KLHL10: variants seen among roughly 807,000 people sequenced by gnomAD.
KLHL10 encodes the protein kelch like family member 10, also known as kelch-like protein 10.
In KLHL10, 11 loss-of-function variants were observed where a neutral mutation model predicts 46.6. The observed-to-expected ratio is 0.24, with a 90% CI of 0.15 to 0.39. KLHL10 has a LOEUF of 0.39. Among genes scored for constraint, KLHL10 ranks in the 10% least tolerant of loss-of-function variants. The pLI, the probability that KLHL10 is intolerant of heterozygous loss-of-function variation, is 1.00. For missense variants in KLHL10, 475 were observed against 789.8 expected (o/e 0.60, Z 4.78); for synonymous variants, 254 against 279.1 (o/e 0.91, Z 0.90).
chr17:41,847,179 G>C, intron 3 of KLHL10, 82 bp from the exon 4 acceptor site: 1 of 1,210,928 alleles, frequency 8.3e-7, no homozygotes, highest in Non-Finnish European at 1.2e-6. Flanking sequence ...CTGGAATTAA[G>C]TGCCCACTAC....
chr17:41,846,250 C>G (rs1381209312), intron 3 of KLHL10, among the ~76,000 whole-genome samples: 1 of 151,688 alleles, frequency 6.6e-6, no homozygotes, highest in East Asian at 1.9e-4. Flanking sequence ...AGGCTGGGCT[C>G]GGTGACTCAC....
In KLHL10 at chr17:41,837,894, C is replaced by T. The variant is rs371854228; in HGVS notation, c.-39C>T. On this transcript the variant is annotated 5_prime_UTR_variant, in exon 1 of 5. Transcript: ENST00000293303. ...GGGCCCCCCACAACCCTCCCCGACA[C>T]CCTAGGAAAGCAGCCTCTCTCCGCT... 65 of 1,611,772 alleles carry T rather than the reference C, an allele frequency of 4.0e-5. No homozygotes were observed. Among genetic ancestry groups the T allele is most frequent in the Non-Finnish European group, 5.3e-5 (62 of 1,179,804 alleles).
upstream of KLHL10, chr17:41,837,620 T>G (rs2048178915): frequency 9.0e-7 from 1 of 1,115,158 alleles, no homozygotes; most frequent in Admixed American, 3.8e-5. Flanking sequence ...CAATAAACAC[T>G]CAGATGGTGC....
chr17:41,841,890 G>A lies in KLHL10; in HGVS notation c.262G>A (p.Asp88Asn), dbSNP rs374071801. The change falls in exon 2 of 5, where the codon GAC becomes AAC. Residue 88 changes from aspartate to asparagine, a missense_variant. Physicochemically the swap from Asp to Asn is conservative, Grantham distance 23. Transcript: ENST00000293303. ...ATACAACATCCCTGGCATTTCTCCC[G>A]ACATGATGAAGCTAATCATTGAGTA... ...KVYNIPGISP[D>N]MMKLIIEYAY... 18 of 1,614,016 alleles carry A rather than the reference G, an allele frequency of 1.1e-5. No individual in the cohort carries two copies. The highest frequency in any genetic ancestry group is 1.7e-5 in the Admixed American group (1 of 59,982).
intron 1 of KLHL10, 103 bp from the exon 2 acceptor site, chr17:41,841,720 A>G: frequency 7.5e-7 from 1 of 1,332,550 alleles, no homozygotes; most frequent in Non-Finnish European, 1.1e-6. Flanking sequence ...TGTCCACTGT[A>G]TATAGCACAT....
At chr17:41,847,470 G>T in intron 4 of KLHL10, 60 bp downstream of exon 4, 4 of 1,564,288 alleles carry the variant, frequency 2.6e-6, no homozygotes, top group Non-Finnish European at 3.5e-6. Flanking sequence ...TTTTGTATTA[G>T]TAAATGGGTT....
intron 3 of KLHL10, among the ~76,000 whole-genome samples, chr17:41,846,692 C>T (rs2048290173): frequency 6.6e-6 from 1 of 151,856 alleles, no homozygotes; most frequent in Admixed American, 6.6e-5. Context: ...ACTAAAAATA[C>T]AAAAATTAGC....
Position 41,842,132 on chromosome 17 carries a change from T to C in KLHL10, c.504T>C (p.Phe168=), listed in dbSNP as rs1555620805. 2.5e-6 allele frequency: 4 copies of C among 1,614,130 alleles called. No individual in the cohort carries two copies. In the South Asian group the frequency reaches 4.4e-5, roughly 18 times the overall value. The change falls in exon 2 of 5, where the codon TTT becomes TTC. Residue 168 remains phenylalanine, a synonymous_variant. Coordinates refer to ENST00000293303, the MANE Select transcript of KLHL10 (RefSeq NM_152467.5). The part of the protein sequence containing the change: ...QKAYMFILHN[F]EEMVKVSAEF... ...CCTACATGTTCATACTGCACAACTTTGAGGAGATGGTGAAAGTCTCGGCAG... is the reference window on the plus strand; with the variant it reads ...CCTACATGTTCATACTGCACAACTTCGAGGAGATGGTGAAAGTCTCGGCAG...
At chr17:41,836,533 A>G (rs1051763607), upstream of KLHL10, 1 of 887,818 alleles carries the variant, frequency 1.1e-6, no homozygotes, top group African/African-American at 1.8e-5. Context: ...TGACAAAAAC[A>G]TGACTGGGGC....
At chr17:41,839,761 G>T (rs1268805445) in intron 1 of KLHL10, among the ~76,000 whole-genome samples, 1 of 152,142 alleles carries the variant, frequency 6.6e-6, no homozygotes, top group East Asian at 1.9e-4. Context: ...CACCCAGGCT[G>T]GAGTGCAGTG....
chr17:41,838,849 C>T (rs1414231064), intron 1 of KLHL10, among the ~76,000 whole-genome samples: 11 of 151,828 alleles, frequency 7.2e-5, no homozygotes, highest in Non-Finnish European at 1.0e-4. Context: ...ACACCACGCC[C>T]GGCTAATTTT....
chr17:41,847,769 T>C (rs2048305371), intron 4 of KLHL10, among the ~76,000 whole-genome samples, 164 bp from the exon 5 acceptor site: 1 of 152,200 alleles, frequency 6.6e-6, no homozygotes, highest in African/African-American at 2.4e-5. Context: ...CCTCCCAGAG[T>C]GCTGGGATTA....
chr17:41,841,797 G>C, intron 1 of KLHL10, 26 bp from the exon 2 acceptor site: 1 of 1,614,060 alleles, frequency 6.2e-7, no homozygotes, highest in South Asian at 1.1e-5. Context: ...TGTTTCCGTG[G>C]CTGCTAGTTT....
chr17:41,836,007 G>A (rs1433371756), upstream of KLHL10: 5 of 1,487,916 alleles, frequency 3.4e-6, no homozygotes, highest in Admixed American at 2.4e-5. Flanking sequence ...CGCTGGGCCC[G>A]AGGGGAGCCC....
At chr17:41,838,894 G>A (rs1028190854) in intron 1 of KLHL10, among the ~76,000 whole-genome samples, 4 of 151,830 alleles carry the variant, frequency 2.6e-5, no homozygotes, top group Admixed American at 6.6e-5. Context: ...TTGCCATGTC[G>A]CTCAGGCTGG....
intron 1 of KLHL10, among the ~76,000 whole-genome samples, chr17:41,840,843 T>C (rs1051862085): frequency 2.6e-5 from 4 of 152,010 alleles, no homozygotes; most frequent in African/African-American, 9.7e-5. Context: ...AAGCCGGGCA[T>C]GGTGGCTCAC....
upstream of KLHL10, chr17:41,835,733 C>T (rs1453893756): frequency 2.6e-5 from 26 of 1,013,696 alleles, no homozygotes; most frequent in Non-Finnish European, 3.8e-5. Context: ...CCTTCAAGCT[C>T]CCGGCCATTT....
chr17:41,836,031 G>T, upstream of KLHL10: 1 of 1,445,378 alleles, frequency 6.9e-7, no homozygotes, highest in Non-Finnish European at 9.1e-7. Context: ...GCTCGCTCGG[G>T]CGCGCGTGTG....
At chr17:41,835,919 C>A (rs1555619887), upstream of KLHL10, 1 of 1,605,742 alleles carries the variant, frequency 6.2e-7, no homozygotes, top group African/African-American at 1.3e-5. Context: ...CCCGCCCAGG[C>A]TGCCGCATCA....
Sources: allele counts gnomAD v4.1 joint callset (sites outside exome capture counted in the v4.1 genomes callset), GRCh38; gene constraint gnomAD v4.1.1; transcripts MANE v1.5; gene names NCBI Gene and HGNC (gene_info 2026-07-23, HGNC 2026-07-21).